Variants in ERBB4 observed in about 807,000 individuals in gnomAD.
ERBB4 encodes the protein erb-b2 receptor tyrosine kinase 4.
Under a neutral mutation model 158.0 loss-of-function variants are expected in ERBB4, and 42 were observed. The ratio of observed to expected loss-of-function variants is 0.27; its 90% CI spans 0.21 to 0.34. The LOEUF is 0.34. Ranked by LOEUF, ERBB4 falls within the 10% of genes least tolerant of loss-of-function variation. The probability of loss-of-function intolerance (pLI) is 1.00; values close to 1 mark genes in which losing one functional copy is unlikely to be tolerated. For synonymous variants in ERBB4, 583 were observed against 558.7 expected (o/e 1.04, Z -0.61); for missense variants, 1,333 against 1,624.1 (o/e 0.82, Z 3.08).
At position 211,668,622 on chromosome 2, in the gene ERBB4, C is replaced by T. The variant is rs573191729; in HGVS notation, c.1717-3145G>A. On this transcript the variant is annotated intron_variant, in intron 14 of 27. Transcript: ENST00000342788. ...TTTTTGAGTCGTCATTGATGTTTTT[C>T]TCTGGTAGCTACTGTAAAAGACATA... is the stretch of plus-strand genomic sequence containing the variant. 2.2e-3 allele frequency among the ~76,000 whole-genome samples: 341 copies of T among 151,676 alleles called. 1 individual carries two copies. Among genetic ancestry groups the T allele is most frequent in the Non-Finnish European group, 3.0e-3 (206 of 67,884 alleles).
At position 212,112,564 on chromosome 2, in the gene ERBB4, G is replaced by A. The variant is rs138028212; in HGVS notation, c.234+12188C>T. Among the ~76,000 whole-genome samples the A allele has an allele frequency of 3.6e-3, 548 of 152,184 alleles. 13 individuals carry two copies. The highest frequency in any genetic ancestry group is 0.031 in the Admixed American group (479 of 15,286). ...GGCAGCAGCAAGACAAAGTCCAAGT[G>A]TGTGAAGTTTAAAGTGAAAGAACTG... On this transcript the variant is annotated intron_variant, in intron 2 of 27. Coordinates refer to ENST00000342788, the MANE Select transcript of ERBB4 (RefSeq NM_005235.3).
intron 3 of ERBB4, among the ~76,000 whole-genome samples, chr2:211,851,864 G>C (rs146823540): frequency 3.9e-4 from 59 of 151,696 alleles, no homozygotes; most frequent in African/African-American, 1.4e-3. Flanking sequence ...ATGAGCAAAG[G>C]CTAAATATTC....
chr2:211,741,080 T>G (rs2074780233), intron 5 of ERBB4, among the ~76,000 whole-genome samples: 1 of 152,190 alleles, frequency 6.6e-6, no homozygotes, highest in Non-Finnish European at 1.5e-5. Flanking sequence ...ATCTCACACT[T>G]CTTTCCATTT....
At position 211,947,524 on chromosome 2, in the gene ERBB4, T is replaced by G; in HGVS notation, c.327A>C (p.Lys109Asn). Residue 109 changes from lysine to asparagine, a missense_variant, in exon 3 of 28, where the codon AAA becomes AAC. This residue lies in a region of ERBB4 where 438 missense variants were observed against 586.9 expected (regional missense o/e 0.75). Transcript: ENST00000342788. ...CCAAGGCATATCGATCCTCATAAAG[T>G]TTTGTCCCACGAATAATGCGTAAAT... Reference protein sequence around the residue: ...LENLRIIRGTKLYEDRYALAI... With the variant: ...LENLRIIRGTNLYEDRYALAI... 1 of 1,613,862 alleles carries G rather than the reference T, an allele frequency of 6.2e-7. No homozygotes were observed. Among genetic ancestry groups the G allele is most frequent in the Non-Finnish European group, 8.5e-7 (1 of 1,179,904 alleles).
chr2:211,743,147 A>C (rs959993789), intron 5 of ERBB4, among the ~76,000 whole-genome samples: 1 of 152,284 alleles, frequency 6.6e-6, no homozygotes. Context: ...TTTTTAACCT[A>C]TTGTCAAACT....
At chr2:212,399,592 T>G (rs1434763764) in intron 1 of ERBB4, among the ~76,000 whole-genome samples, 1 of 130,760 alleles carries the variant, frequency 7.6e-6, no homozygotes. Context: ...ATATTGGGCG[T>G]GGTGTCTTAT....
chr2:212,436,219 G>A (rs1046017349), intron 1 of ERBB4, among the ~76,000 whole-genome samples: 2 of 151,852 alleles, frequency 1.3e-5, no homozygotes, highest in Non-Finnish European at 2.9e-5. Context: ...CTCAGAAAAA[G>A]CAATCGGTAA....
At chr2:212,016,099 A>G (rs2076522973) in intron 2 of ERBB4, among the ~76,000 whole-genome samples, 1 of 151,626 alleles carries the variant, frequency 6.6e-6, no homozygotes, top group Admixed American at 6.6e-5. Context: ...GTAAACTTCA[A>G]TTGTTGTTAA....
chr2:212,464,295 A>G (rs1688718619), intron 1 of ERBB4, among the ~76,000 whole-genome samples: 1 of 152,164 alleles, frequency 6.6e-6, no homozygotes, highest in South Asian at 2.1e-4. Context: ...TTCCATATAT[A>G]CTGTAAACAG....
chr2:211,948,117 AC>A (rs2080754644), intron 2 of ERBB4, among the ~76,000 whole-genome samples: 1 of 152,162 alleles, frequency 6.6e-6, no homozygotes, highest in South Asian at 2.1e-4. Context: ...TCTAGGGAAC[AC>A]AAACATAAAA....
chr2:211,704,071 G>A (rs1314146647), intron 11 of ERBB4, 33 bp downstream of exon 11: 3 of 1,202,884 alleles, frequency 2.5e-6, no homozygotes, highest in Non-Finnish European at 3.7e-6. Context: ...CTTGAAATCT[G>A]TGAGCCCTGC....
chr2:211,483,560 T>TA (rs2065135021), intron 20 of ERBB4, among the ~76,000 whole-genome samples: 1 of 146,788 alleles, frequency 6.8e-6, no homozygotes, highest in African/African-American at 2.5e-5. Context: ...TTGGTTTTTG[T>TA]GTTTTTTTTG....
chr2:211,977,735 C>T (rs77314582), intron 2 of ERBB4, among the ~76,000 whole-genome samples: 1 of 150,156 alleles, frequency 6.7e-6, no homozygotes, highest in African/African-American at 2.5e-5. Context: ...AGCTGTAATC[C>T]CAGCTACCCT....
intron 2 of ERBB4, among the ~76,000 whole-genome samples, chr2:211,994,839 G>A (rs2082161482): frequency 6.6e-6 from 1 of 152,166 alleles, no homozygotes; most frequent in Non-Finnish European, 1.5e-5. Flanking sequence ...CATTCTCAGG[G>A]AATAGATGGA....
At chr2:211,840,962 AT>A (rs11362202) in intron 3 of ERBB4, among the ~76,000 whole-genome samples, 5,000 of 152,154 alleles carry the variant, frequency 0.033, 276 homozygotes, top group African/African-American at 0.11. Flanking sequence ...AATAAAATGT[AT>A]TTTTTCTACA....
chr2:211,388,052 T>C (rs754524377), intron 25 of ERBB4, 60 bp from the exon 26 acceptor site: 210 of 1,303,840 alleles, frequency 1.6e-4, no homozygotes, highest in Non-Finnish European at 2.0e-4. Flanking sequence ...ATGAAAAAAT[T>C]AAAAAAAGAA....
chr2:211,407,466 G>A (rs2063170188), intron 25 of ERBB4, among the ~76,000 whole-genome samples: 1 of 151,960 alleles, frequency 6.6e-6, no homozygotes, highest in Non-Finnish European at 1.5e-5. Context: ...TATGAATGTT[G>A]CTAAACAATT....
At position 211,722,517 on chromosome 2, in the gene ERBB4, A is replaced by G. The variant is rs1031024283; in HGVS notation, c.759T>C (p.Asn253=). 2 of 1,614,116 alleles carry G rather than the reference A, an allele frequency of 1.2e-6. No individual in the cohort carries two copies. Among genetic ancestry groups the G allele is most frequent in the South Asian group, 1.1e-5 (1 of 91,086 alleles). The part of the protein sequence containing the change: ...DTDCFACMNF[N]DSGACVTQCP... ...ACTGAGTAACACATGCTCCACTGTCATTGAAATTCATGCAGGCCTGCAACA... is the reference window on the plus strand; with the variant it reads ...ACTGAGTAACACATGCTCCACTGTCGTTGAAATTCATGCAGGCCTGCAACA... The change falls in exon 7 of 28, where the codon AAT becomes AAC. Residue 253 remains asparagine (N), a synonymous_variant. Transcript: ENST00000342788.
chr2:212,105,363 AC>A (rs1333544209), intron 2 of ERBB4, among the ~76,000 whole-genome samples: 2 of 152,280 alleles, frequency 1.3e-5, no homozygotes, highest in African/African-American at 4.8e-5. Context: ...TTGTGTAAAA[AC>A]TTTTCCTTAT....
Sources: gnomAD v4.1 joint callset for allele counts (sites outside exome capture counted in the v4.1 genomes callset) on GRCh38, gnomAD v4.1.1 for gene constraint, gnomAD v4.1.1 regional missense constraint, MANE v1.5 for transcripts, NCBI Gene and HGNC (gene_info 2026-07-23, HGNC 2026-07-21) for gene names.